The following TIAM1 variants were observed in gnomAD, a reference collection of about 807,000 sequenced individuals.
TIAM1 encodes TIAM Rac1 associated GEF 1.
A neutral mutation model predicts 163.5 loss-of-function variants in TIAM1; 65 were observed. The observed-to-expected ratio is 0.40, with a 90% CI of 0.33 to 0.49. TIAM1 has a LOEUF of 0.49. Among genes scored for constraint, TIAM1 ranks in the 20% least tolerant of loss-of-function variants. The pLI is 0.77. For synonymous variants in TIAM1, 833 were observed against 810.1 expected (o/e 1.03, Z -0.48); for missense variants, 1,789 against 2,044.7 (o/e 0.87, Z 2.41).
Position 31,407,729 on chromosome 21 carries a change from T to C in TIAM1, c.-369+56254A>G, listed in dbSNP as rs113706133. 8.7e-3 allele frequency among the ~76,000 whole-genome samples: 1,239 copies of C among 141,926 alleles called. 10 individuals carry two copies. Among genetic ancestry groups the C allele is most frequent in the African/African-American group, 0.029 (1,106 of 38,410 alleles). 93.1% of individuals were successfully genotyped at this position (141,926 alleles called of 152,430 possible). A position where few individuals can be genotyped will look rare whatever the true frequency, so the allele number is the denominator to read the frequency against. ...TGGCTTGCTGCAACCTCCACCTCCC[T>C]GGTTTACGCAGTTCTCCTGCCTCAG... On this transcript the variant is annotated intron_variant, in intron 2 of 28. Coordinates refer to the TIAM1 transcript ENST00000286827.
Position 31,395,099 on chromosome 21 carries a change from A to G in TIAM1, c.-368-55677T>C, listed in dbSNP as rs144760616. ...CCAAAAATACAAACATTAGCCAGGC[A>G]TGGTGGCGCGTGCCTGTAGTCCCAG... On this transcript the variant is annotated intron_variant, in intron 2 of 28. Transcript: ENST00000286827. The surrounding 1 kb of genome is among the most constrained non-coding windows in gnomAD (Gnocchi z 7.5). Among the ~76,000 whole-genome samples, 645 of 152,238 alleles carry G rather than the reference A, an allele frequency of 4.2e-3. 12 individuals carry two copies. The highest frequency in any genetic ancestry group is 0.026 in the Admixed American group (399 of 15,280).
chr21:31,140,135 G>A lies in TIAM1; in HGVS notation c.3774+983C>T, dbSNP rs1408311413. ...TTATCCTTTAACAGCCTGAAAACTT[G>A]TTTTGTTTCATTAAGGACAAAAAAA... is the stretch of plus-strand genomic sequence containing the variant. On this transcript the variant is annotated intron_variant, in intron 22 of 27. Transcript: ENST00000541036. Among the ~76,000 whole-genome samples, 4 of 152,084 alleles carry A rather than the reference G, an allele frequency of 2.6e-5. No homozygotes were observed. In the East Asian group the frequency reaches 7.7e-4, roughly 29 times the overall value.
intron 9 of TIAM1, among the ~76,000 whole-genome samples, chr21:31,214,473 G>A (rs1338803682): frequency 4.6e-5 from 7 of 152,100 alleles, no homozygotes; most frequent in Non-Finnish European, 1.0e-4. Context: ...ATACTTATAA[G>A]TAAAAATCTG....
At chr21:31,362,830 T>C (rs1273487485) in intron 2 of TIAM1, among the ~76,000 whole-genome samples, 2 of 152,096 alleles carry the variant, frequency 1.3e-5, no homozygotes, top group Middle Eastern at 3.2e-3. Flanking sequence ...TCACTCTCAT[T>C]CTTACTTACA....
chr21:31,306,791 A>T (rs1048999719), intron 2 of TIAM1, among the ~76,000 whole-genome samples: 1 of 152,192 alleles, frequency 6.6e-6, no homozygotes, highest in Non-Finnish European at 1.5e-5. Context: ...TAAAGACACG[A>T]GACAATCACG....
chr21:31,369,506 T>C (rs550522), intron 2 of TIAM1, among the ~76,000 whole-genome samples: 67,618 of 151,874 alleles, frequency 0.45, 16,584 homozygotes, highest in African/African-American at 0.63. Context: ...CACTATAGGG[T>C]GACTACAGTT....
intron 2 of TIAM1, among the ~76,000 whole-genome samples, chr21:31,382,753 C>T (rs1298759827): frequency 6.6e-6 from 1 of 152,092 alleles, no homozygotes; most frequent in Non-Finnish European, 1.5e-5. Context: ...ACAAAAAACA[C>T]GGCAAACAAA....
At chr21:31,540,327 G>A (rs1368738708) in intron 1 of TIAM1, among the ~76,000 whole-genome samples, 1 of 151,172 alleles carries the variant, frequency 6.6e-6, no homozygotes, top group Non-Finnish European at 1.5e-5. Context: ...GGAGGTTGCA[G>A]TGAGCCAAGA....
chr21:31,471,082 C>T (rs2045723330), intron 1 of TIAM1, among the ~76,000 whole-genome samples: 1 of 152,220 alleles, frequency 6.6e-6, no homozygotes, highest in Non-Finnish European at 1.5e-5. Context: ...AAAATCTCAT[C>T]GTGTTGTTCT....
intron 15 of TIAM1, among the ~76,000 whole-genome samples, chr21:31,179,783 T>G (rs532799563): frequency 6.6e-5 from 10 of 152,260 alleles, no homozygotes; most frequent in African/African-American, 2.2e-4. Flanking sequence ...ATATATAAAA[T>G]GCATTTTAAA....
At chr21:31,333,750 T>C (rs1361510855) in intron 2 of TIAM1, among the ~76,000 whole-genome samples, 3 of 152,232 alleles carry the variant, frequency 2.0e-5, no homozygotes, top group South Asian at 2.1e-4. Context: ...TGAACACTTA[T>C]GAATTCTTGA....
chr21:31,474,838 C>A (rs1169776996), intron 1 of TIAM1, among the ~76,000 whole-genome samples: 1 of 151,678 alleles, frequency 6.6e-6, no homozygotes, highest in Non-Finnish European at 1.5e-5. Context: ...CCGCTCCCAG[C>A]CAACCTTTAG....
At chr21:31,318,729 T>C (rs1301184865) in intron 2 of TIAM1, among the ~76,000 whole-genome samples, 1 of 152,216 alleles carries the variant, frequency 6.6e-6, no homozygotes, top group Non-Finnish European at 1.5e-5. Flanking sequence ...TGCATATAAA[T>C]CTTCCTGATG....
intron 2 of TIAM1, among the ~76,000 whole-genome samples, chr21:31,408,112 C>T (rs1053908647): frequency 6.6e-6 from 1 of 152,206 alleles, no homozygotes; most frequent in Non-Finnish European, 1.5e-5. Flanking sequence ...AGGGCAAAGA[C>T]ATCAGTTCTG....
In TIAM1 at chr21:31,378,286, T is replaced by A. The variant is rs572826238; in HGVS notation, c.-368-38864A>T. Reference sequence around the variant, plus strand: ...AATCCCTAGATAGGTAACATTACTGTTCATGTTAGCCAGGAGGCACCTTAT... The same window carrying A: ...AATCCCTAGATAGGTAACATTACTGATCATGTTAGCCAGGAGGCACCTTAT... On this transcript the variant is annotated intron_variant, in intron 2 of 28. Coordinates refer to the TIAM1 transcript ENST00000286827. Among the ~76,000 whole-genome samples, 13 of 152,228 alleles carry A rather than the reference T, an allele frequency of 8.5e-5. No individual in the cohort carries two copies. In the South Asian group the frequency reaches 2.7e-3, roughly 32 times the overall value.
chr21:31,269,587 A>C lies in TIAM1; in HGVS notation c.-11-2604T>G, dbSNP rs149598609. On this transcript the variant is annotated intron_variant, in intron 3 of 27. Transcript: ENST00000541036. ...GTGAAAAGTTGAAATTGCTCATTGC[A>C]TACAGGAGACACAATCTCCACTTCA... Among the ~76,000 whole-genome samples, 5 of 152,212 alleles carry C rather than the reference A, an allele frequency of 3.3e-5. No individual in the cohort carries two copies. In the East Asian group the frequency reaches 9.6e-4, roughly 29 times the overall value.
chr21:31,533,579 T>C (rs1327601926), intron 1 of TIAM1, among the ~76,000 whole-genome samples: 1 of 151,682 alleles, frequency 6.6e-6, no homozygotes, highest in Non-Finnish European at 1.5e-5. Flanking sequence ...AAAAATTATT[T>C]TTAATTAGCC....
At chr21:31,444,903 C>T (rs779632566) in intron 2 of TIAM1, among the ~76,000 whole-genome samples, 1 of 152,044 alleles carries the variant, frequency 6.6e-6, no homozygotes, top group African/African-American at 2.4e-5. Context: ...GAAGCTGAGG[C>T]AGGAGAACTG....
At chr21:31,354,388 C>A (rs753283831) in intron 2 of TIAM1, among the ~76,000 whole-genome samples, 18 of 152,132 alleles carry the variant, frequency 1.2e-4, no homozygotes, top group Non-Finnish European at 2.4e-4. Context: ...GCACAAGAGG[C>A]AAATAATATG....
Sources: gnomAD v4.1 joint callset for allele counts (sites outside exome capture counted in the v4.1 genomes callset) on GRCh38, gnomAD v4.1.1 for gene constraint, Gnocchi (gnomAD v3.1) non-coding constraint, MANE v1.5 for transcripts, NCBI Gene and HGNC (gene_info 2026-07-23, HGNC 2026-07-21) for gene names.